The following DIAPH2 variants were observed in gnomAD, a reference collection of about 807,000 sequenced individuals.
DIAPH2 encodes diaphanous related formin 2, also known as protein diaphanous homolog 2.
DIAPH2 carries 35 observed loss-of-function variants against 92.7 expected under a neutral mutation model. The observed-to-expected ratio is 0.38, with a 90% CI of 0.29 to 0.50. The LOEUF is 0.50. Ranked by LOEUF, DIAPH2 falls within the 20% of genes least tolerant of loss-of-function variation. The pLI, the probability that DIAPH2 is intolerant of heterozygous loss-of-function variation, is 0.94. For synonymous variants in DIAPH2, 301 were observed against 280.4 expected, an observed-to-expected ratio of 1.07 and a Z score of -0.73; for missense variants, 701 against 819.5, an observed-to-expected ratio of 0.86 and a Z score of 1.77.
At chrX:97,287,790 T>TACTGAAA (rs1159397774) in intron 23 of DIAPH2, among the ~76,000 whole-genome samples, 1 of 104,901 alleles carries the variant, frequency 9.5e-6, no homozygotes, top group Non-Finnish European at 1.9e-5. Flanking sequence ...ACCCTGTCTC[T>TACTGAAA]ACTGAAAATA....
intron 17 of DIAPH2, among the ~76,000 whole-genome samples, chrX:96,996,883 C>G (rs1197952882): frequency 8.9e-6 from 1 of 111,910 alleles, no homozygotes; most frequent in Non-Finnish European, 1.9e-5. Flanking sequence ...AAATCACATT[C>G]CAAACTAGTA....
At chrX:96,875,946 C>G (rs1198505334) in intron 4 of DIAPH2, among the ~76,000 whole-genome samples, 1 of 110,714 alleles carries the variant, frequency 9.0e-6, no homozygotes, top group Non-Finnish European at 1.9e-5. Context: ...TTCTGCACCG[C>G]AAAAGAAACT....
At chrX:97,420,599 C>G (rs1010895506) in intron 25 of DIAPH2, among the ~76,000 whole-genome samples, 3 of 112,161 alleles carry the variant, frequency 2.7e-5, no homozygotes, top group African/African-American at 9.7e-5. Context: ...AATGAACTCT[C>G]TAACCGACAT....
At chrX:96,786,174 G>A (rs1239804334) in intron 4 of DIAPH2, among the ~76,000 whole-genome samples, 1 of 112,078 alleles carries the variant, frequency 8.9e-6, no homozygotes, top group Non-Finnish European at 1.9e-5. Flanking sequence ...GGTACTGAGA[G>A]TCCCCTGTTG....
chrX:97,363,816 G>A (rs1259176348), intron 24 of DIAPH2, among the ~76,000 whole-genome samples: 4 of 110,773 alleles, frequency 3.6e-5, no homozygotes, highest in Non-Finnish European at 7.5e-5. Flanking sequence ...CTGACAAAAG[G>A]TGAGATGTAT....
intron 4 of DIAPH2, among the ~76,000 whole-genome samples, chrX:96,758,527 C>A (rs1036023026): frequency 9.0e-6 from 1 of 111,634 alleles, no homozygotes; most frequent in Admixed American, 9.5e-5. Flanking sequence ...CTTTTGTGTA[C>A]ATACTAAAAA....
At chrX:96,776,212 T>C (rs912723416) in intron 4 of DIAPH2, among the ~76,000 whole-genome samples, 4 of 110,980 alleles carry the variant, frequency 3.6e-5, no homozygotes, top group Non-Finnish European at 7.5e-5. Context: ...TTTCTTTTCT[T>C]TTCTTTCTGT....
intron 25 of DIAPH2, among the ~76,000 whole-genome samples, chrX:97,424,821 C>T (rs1026522214): frequency 1.8e-5 from 2 of 110,427 alleles, no homozygotes; most frequent in African/African-American, 6.6e-5. Flanking sequence ...GATGGGGTTT[C>T]ACCATGTTGT....
At chrX:97,496,322 T>A (rs1165042209) in intron 26 of DIAPH2, among the ~76,000 whole-genome samples, 2 of 109,075 alleles carry the variant, frequency 1.8e-5, no homozygotes, top group Non-Finnish European at 3.8e-5. Context: ...ATTACAGGCA[T>A]GTGCCACCAC....
At chrX:97,423,889 T>G (rs1213543400) in intron 25 of DIAPH2, among the ~76,000 whole-genome samples, 1 of 112,050 alleles carries the variant, frequency 8.9e-6, no homozygotes, top group East Asian at 2.8e-4. Context: ...TTTTTTTTCT[T>G]GAGGTTGAAC....
intron 1 of DIAPH2, among the ~76,000 whole-genome samples, chrX:96,734,962 T>TA (rs924725952): frequency 2.2e-4 from 24 of 110,914 alleles, no homozygotes; most frequent in African/African-American, 7.8e-4. Flanking sequence ...AACAGACAAT[T>TA]AAAAAAAATC....
intron 4 of DIAPH2, among the ~76,000 whole-genome samples, chrX:96,846,178 G>A (rs1393232297): frequency 8.9e-5 from 9 of 100,829 alleles, no homozygotes; most frequent in African/African-American, 3.0e-4. Flanking sequence ...AGGGAGTTTC[G>A]CTCTTGTTGC....
At chrX:96,880,287 A>C (rs1188916518) in intron 4 of DIAPH2, among the ~76,000 whole-genome samples, 1 of 111,725 alleles carries the variant, frequency 9.0e-6, no homozygotes, top group African/African-American at 3.2e-5. Context: ...ACAATATTTT[A>C]AGTGCTATAA....
rs1388973900 is a variant in DIAPH2 at position 96,930,794 on chromosome X, T to C, written c.1040T>C (p.Ile347Thr). ...VTSPYELDFRIHLRNEFLRSG... is the reference protein window; with the variant it reads ...VTSPYELDFRTHLRNEFLRSG... ...TCTCCTTATGAGCTTGATTTTCGAA[T>C]ACATTTAAGGAATGAATTCCTCCGT... is the stretch of plus-strand genomic sequence containing the variant. The change falls in exon 10 of 27, where the codon ATA (isoleucine) becomes ACA (threonine). Residue 347 changes from isoleucine (I) to threonine (T), a missense_variant. By Grantham distance (89) the Ile-to-Thr change is moderately conservative (BLOSUM62 -1). Around this residue, in one of 3 missense-constraint regions of DIAPH2, gnomAD observed 536 missense variants for 599.3 expected, o/e 0.89. Transcript: ENST00000324765. 4.2e-6 allele frequency: 5 copies of C among 1,202,862 alleles called. No individual in the cohort carries two copies. Among genetic ancestry groups the C allele is most frequent in the Non-Finnish European group, 4.5e-6 (4 of 891,655 alleles).
At chrX:96,993,404 G>A (rs1324101329) in intron 17 of DIAPH2, among the ~76,000 whole-genome samples, 4 of 112,097 alleles carry the variant, frequency 3.6e-5, no homozygotes, top group Admixed American at 2.8e-4. Context: ...AGGTTTAATC[G>A]GCTTATGGTT....
At chrX:97,206,536 G>C (rs2067797473) in intron 22 of DIAPH2, among the ~76,000 whole-genome samples, 2 of 111,080 alleles carry the variant, frequency 1.8e-5, no homozygotes, top group Admixed American at 9.6e-5. Flanking sequence ...TTATGTCATA[G>C]GATCTTTTAC....
chrX:97,492,067 A>T (rs1163662515), intron 26 of DIAPH2, among the ~76,000 whole-genome samples: 2 of 111,884 alleles, frequency 1.8e-5, no homozygotes, highest in Non-Finnish European at 3.8e-5. Flanking sequence ...CCATTAACAA[A>T]TTTGTGTAGT....
At chrX:97,580,166 C>T (rs1481010728) in intron 26 of DIAPH2, among the ~76,000 whole-genome samples, 2 of 106,605 alleles carry the variant, frequency 1.9e-5, no homozygotes, top group Admixed American at 2.0e-4. Flanking sequence ...TTATTTCCTT[C>T]TCCTGCCTAA....
At chrX:97,115,540 AATAAAAT>A (rs1340436903) in intron 21 of DIAPH2, among the ~76,000 whole-genome samples, 1 of 111,421 alleles carries the variant, frequency 9.0e-6, no homozygotes, top group Non-Finnish European at 1.9e-5. Context: ...TGTCTCAAAA[AATAAAAT>A]ATAAAATAAA....
Sources: allele counts gnomAD v4.1 joint callset (sites outside exome capture counted in the v4.1 genomes callset), GRCh38; gene constraint gnomAD v4.1.1; regional missense constraint gnomAD v4.1.1; transcripts MANE v1.5; gene names NCBI Gene and HGNC (gene_info 2026-07-23, HGNC 2026-07-21).